The following PTPRN2 variants were observed in gnomAD, a reference collection of about 807,000 sequenced individuals.
PTPRN2 encodes receptor-type tyrosine-protein phosphatase N2.
In PTPRN2, 74 loss-of-function variants were observed where a neutral mutation model predicts 118.8. The observed-to-expected ratio is 0.62, with a 90% CI of 0.52 to 0.76. The LOEUF is 0.76. PTPRN2 is among the 30% of genes least tolerant of loss of function. The pLI, the probability that PTPRN2 is intolerant of heterozygous loss-of-function variation, is 0.00. For synonymous variants in PTPRN2, 641 were observed against 608.0 expected, an observed-to-expected ratio of 1.05 and a Z score of -0.80; for missense variants, 1,481 against 1,394.4, an observed-to-expected ratio of 1.06 and a Z score of -0.99.
At chr7:158,164,411 C>T (rs574771237) in intron 6 of PTPRN2, among the ~76,000 whole-genome samples, 389 of 37,666 alleles carry the variant, frequency 0.01, 2 homozygotes, top group Middle Eastern at 0.024. Flanking sequence ...GGAGCGCGCG[C>T]GTAGGAAGGG....
At chr7:158,188,908 T>G (rs1825529462) in intron 5 of PTPRN2, among the ~76,000 whole-genome samples, 1 of 152,174 alleles carries the variant, frequency 6.6e-6, no homozygotes, top group Non-Finnish European at 1.5e-5. Context: ...CACGGGCCCT[T>G]TGGCCTAATG....
In PTPRN2 at chr7:157,789,157, G is replaced by T. The variant is rs1481112813; in HGVS notation, c.1789-106220C>A. Among the ~76,000 whole-genome samples, 5 of 152,218 alleles carry T rather than the reference G, an allele frequency of 3.3e-5. 1 individual carries two copies. The South Asian group carries it at 8.3e-4, about 25-fold the overall frequency. On this transcript the variant is annotated intron_variant, in intron 12 of 22. Coordinates refer to ENST00000389418, the MANE Select transcript of PTPRN2 (RefSeq NM_002847.5). Reference sequence around the variant, plus strand: ...GAAATCACTGTCTTCCGGCGGGCTGGTCCTCTTTGGTGACAGATGAAGTCA... The same window carrying T: ...GAAATCACTGTCTTCCGGCGGGCTGTTCCTCTTTGGTGACAGATGAAGTCA...
At chr7:157,594,921 A>G (rs1801205821) in intron 17 of PTPRN2, among the ~76,000 whole-genome samples, 1 of 152,242 alleles carries the variant, frequency 6.6e-6, no homozygotes, top group African/African-American at 2.4e-5. Context: ...CGCCATGGAC[A>G]ACAGGCACAT....
intron 11 of PTPRN2, among the ~76,000 whole-genome samples, chr7:158,013,749 A>T (rs1213398580): frequency 1.1e-3 from 2 of 1,872 alleles, no homozygotes; most frequent in African/African-American, 2.4e-3. Context: ...CCACCCGCCC[A>T]TCCATCCATC....
intron 3 of PTPRN2, among the ~76,000 whole-genome samples, chr7:158,295,776 C>A (rs371987109): frequency 2.1e-5 from 3 of 143,132 alleles, no homozygotes; most frequent in African/African-American, 5.2e-5. Flanking sequence ...ACTCTCCATC[C>A]GCACGGTTCA....
chr7:157,880,631 C>T (rs116140671), intron 12 of PTPRN2, among the ~76,000 whole-genome samples: 1,882 of 152,272 alleles, frequency 0.012, 33 homozygotes, highest in African/African-American at 0.043. Flanking sequence ...GCATCGTTGA[C>T]GGTGACACAT....
At chr7:158,454,418 C>T (rs899549804) in intron 2 of PTPRN2, among the ~76,000 whole-genome samples, 3 of 147,964 alleles carry the variant, frequency 2.0e-5, no homozygotes, top group Non-Finnish European at 4.5e-5. Context: ...GGAGGACAGA[C>T]AAGACACAAC....
chr7:158,384,246 T>C (rs559485329), intron 2 of PTPRN2, among the ~76,000 whole-genome samples: 1 of 152,314 alleles, frequency 6.6e-6, no homozygotes, highest in African/African-American at 2.4e-5. Flanking sequence ...GGGCCTGCAT[T>C]GCCCATTAAT....
At chr7:158,466,777 A>T (rs989119135) in intron 2 of PTPRN2, among the ~76,000 whole-genome samples, 2 of 152,200 alleles carry the variant, frequency 1.3e-5, no homozygotes, top group African/African-American at 4.8e-5. Flanking sequence ...GCAGTGGCTC[A>T]CGCCTGTAAT....
Position 157,617,417 on chromosome 7 carries a change from C to T in PTPRN2, c.2344+3945G>A, listed in dbSNP as rs13310609. 7.0e-6 allele frequency: 1 copy of T among 143,740 alleles called. No individual in the cohort carries two copies. Among genetic ancestry groups the T allele is most frequent in the Admixed American group, 7.0e-5 (1 of 14,294 alleles). The allele number at this position is 143,740 out of a possible 1,614,324, so 8.9% of individuals were successfully genotyped here. On this transcript the variant is annotated intron_variant, in intron 15 of 22. Transcript: ENST00000389418. The surrounding 1 kb of genome is among the most constrained non-coding windows in gnomAD (Gnocchi z 7.5). ...CTGGCTCACGATGCCCCAGTGATGC[C>T]GTGGTTAGGACGCCGTTCACGCAGC... is the stretch of plus-strand genomic sequence containing the variant.
chr7:158,477,970 G>A (rs117196891), intron 2 of PTPRN2, among the ~76,000 whole-genome samples: 4 of 152,330 alleles, frequency 2.6e-5, no homozygotes, highest in Admixed American at 6.5e-5. Context: ...AAAGAGGGAG[G>A]CACCTGAAGA....
At position 158,085,720 on chromosome 7, in the gene PTPRN2, C is replaced by T. The variant is rs111204867; in HGVS notation, c.1644-4343G>A. Among the ~76,000 whole-genome samples the T allele has an allele frequency of 2.3e-3, 333 of 142,376 alleles. 2 individuals carry two copies. The highest frequency in any genetic ancestry group is 8.7e-3 in the African/African-American group (321 of 36,962). The allele number at this position is 142,376 out of a possible 152,430, so 93.4% of individuals were successfully genotyped here. ...CACAGATACCCATCCACACCCACGACGCCCATCCACACCCACGACACCCAT... is the reference window on the plus strand; with the variant it reads ...CACAGATACCCATCCACACCCACGATGCCCATCCACACCCACGACACCCAT... On this transcript the variant is annotated intron_variant, in intron 10 of 22. Coordinates refer to ENST00000389418, the MANE Select transcript of PTPRN2 (RefSeq NM_002847.5).
chr7:158,150,979 C>G (rs1036172363), intron 6 of PTPRN2, among the ~76,000 whole-genome samples: 2 of 151,958 alleles, frequency 1.3e-5, no homozygotes, highest in Non-Finnish European at 2.9e-5. Context: ...ACAGCAATGT[C>G]TGTTCCTCTC....
chr7:157,950,396 A>G (rs1357698585), intron 11 of PTPRN2, among the ~76,000 whole-genome samples: 1 of 151,844 alleles, frequency 6.6e-6, no homozygotes, highest in Non-Finnish European at 1.5e-5. Flanking sequence ...TTTTGTTGGT[A>G]TTTGGGTGGG....
chr7:157,844,775 C>T (rs577060422), intron 12 of PTPRN2, among the ~76,000 whole-genome samples: 5 of 152,192 alleles, frequency 3.3e-5, no homozygotes, highest in Non-Finnish European at 5.9e-5. Flanking sequence ...TCAGCGGCTC[C>T]GCAGGGGTGA....
chr7:158,319,470 ACACAAG>A (rs145577914), intron 2 of PTPRN2, among the ~76,000 whole-genome samples: 19 of 62,048 alleles, frequency 3.1e-4, no homozygotes, highest in South Asian at 1.2e-3. Context: ...CCTCCCTCAC[ACACAAG>A]CACAGCCTCC....
chr7:158,177,330 C>A (rs934030346), intron 5 of PTPRN2, among the ~76,000 whole-genome samples: 2 of 152,074 alleles, frequency 1.3e-5, no homozygotes, highest in African/African-American at 4.8e-5. Flanking sequence ...GGATGCTAAG[C>A]ACCTTTGATG....
intron 14 of PTPRN2, among the ~76,000 whole-genome samples, chr7:157,628,886 A>C (rs1585136244): frequency 1.3e-5 from 2 of 152,192 alleles, no homozygotes; most frequent in Admixed American, 1.3e-4. Context: ...TCTTCTGTTC[A>C]CTTCTTTTTT....
intron 12 of PTPRN2, among the ~76,000 whole-genome samples, chr7:157,699,037 A>C (rs1434145242): frequency 6.6e-6 from 1 of 152,234 alleles, no homozygotes; most frequent in East Asian, 1.9e-4. Context: ...ATTTTTGTTT[A>C]AAATCTCTTT....
Sources: gnomAD v4.1 joint callset for allele counts (sites outside exome capture counted in the v4.1 genomes callset) on GRCh38, gnomAD v4.1.1 for gene constraint, Gnocchi (gnomAD v3.1) non-coding constraint, MANE v1.5 for transcripts, NCBI Gene and HGNC (gene_info 2026-07-23, HGNC 2026-07-21) for gene names.